The following TCTN3 variants were observed in gnomAD, a reference collection of about 807,000 sequenced individuals.
The protein encoded by TCTN3 is tectonic-3.
A neutral mutation model predicts 71.3 loss-of-function variants in TCTN3; 57 were observed. The ratio of observed to expected loss-of-function variants is 0.80; its 90% CI spans 0.65 to 1.00. The LOEUF (loss-of-function observed/expected upper bound fraction) is 1.00. TCTN3 is among the 50% of genes least tolerant of loss of function. TCTN3 has a pLI of 0.00. For missense variants in TCTN3, 696 were observed against 719.9 expected, an observed-to-expected ratio of 0.97 and a Z score of 0.38; for synonymous variants, 258 against 267.8, an observed-to-expected ratio of 0.96 and a Z score of 0.36.
At chr10:95,667,050 A>G (rs896887093) in intron 13 of TCTN3, among the ~76,000 whole-genome samples, 8 of 152,204 alleles carry the variant, frequency 5.3e-5, no homozygotes, top group African/African-American at 1.9e-4. Flanking sequence ...AGGTCATCCC[A>G]TACCCAGAAT....
intron 3 of TCTN3, among the ~76,000 whole-genome samples, chr10:95,692,681 C>T (rs539636111): frequency 3.3e-4 from 50 of 152,248 alleles, no homozygotes; most frequent in African/African-American, 1.2e-3. Flanking sequence ...TGCAACCCAC[C>T]GGCCGCATGC....
At chr10:95,671,069 G>A (rs1459261819) in intron 13 of TCTN3, among the ~76,000 whole-genome samples, 2 of 152,170 alleles carry the variant, frequency 1.3e-5, no homozygotes, top group Non-Finnish European at 2.9e-5. Flanking sequence ...TTCCATTTGT[G>A]TTTTAAAAGT....
chr10:95,674,478 G>A (rs767440008), intron 13 of TCTN3, among the ~76,000 whole-genome samples: 3 of 151,384 alleles, frequency 2.0e-5, no homozygotes, highest in Admixed American at 6.6e-5. Flanking sequence ...CTATACACAC[G>A]GATATCCATA....
chr10:95,677,992 T>C (rs2097939104), intron 13 of TCTN3, among the ~76,000 whole-genome samples: 2 of 152,202 alleles, frequency 1.3e-5, no homozygotes, highest in Non-Finnish European at 2.9e-5. Context: ...AAATGCAGTA[T>C]ATAGACTGGC....
At chr10:95,689,957 T>C (rs1432484704) in intron 3 of TCTN3, among the ~76,000 whole-genome samples, 1 of 152,170 alleles carries the variant, frequency 6.6e-6, no homozygotes, top group Non-Finnish European at 1.5e-5. Flanking sequence ...AAAAACGTAA[T>C]TTACTGATGA....
chr10:95,683,881 C>G (rs533101551), intron 9 of TCTN3, among the ~76,000 whole-genome samples: 2 of 152,246 alleles, frequency 1.3e-5, no homozygotes, highest in East Asian at 3.9e-4. Flanking sequence ...AACCAAGAAT[C>G]TACTAAGGAT....
chr10:95,693,179 T>A, intron 2 of TCTN3, 141 bp from the exon 3 acceptor site: 2 of 1,236,154 alleles, frequency 1.6e-6, no homozygotes, highest in Non-Finnish European at 2.2e-6. Context: ...CTTATTCTAC[T>A]GGCCAGCCCT....
chr10:95,686,719 G>A (rs2097948656), intron 6 of TCTN3, among the ~76,000 whole-genome samples, 189 bp from the exon 7 acceptor site: 1 of 152,196 alleles, frequency 6.6e-6, no homozygotes, highest in Non-Finnish European at 1.5e-5. Context: ...AGCCAGGCAG[G>A]AGGGTGACAG....
chr10:95,678,045 T>C (rs1219086532), intron 13 of TCTN3, among the ~76,000 whole-genome samples: 1 of 152,222 alleles, frequency 6.6e-6, no homozygotes, highest in Non-Finnish European at 1.5e-5. Flanking sequence ...ACTTAGATAT[T>C]CTAAGCTGAC....
At chr10:95,681,946 G>A (rs2097943375) in intron 12 of TCTN3, among the ~76,000 whole-genome samples, 1 of 152,178 alleles carries the variant, frequency 6.6e-6, no homozygotes, top group Non-Finnish European at 1.5e-5. Flanking sequence ...TGTAATCCCA[G>A]CACTTTGGGA....
intron 13 of TCTN3, among the ~76,000 whole-genome samples, chr10:95,677,090 T>A (rs2139721270): frequency 6.6e-6 from 1 of 152,332 alleles, no homozygotes; most frequent in South Asian, 2.1e-4. Context: ...TTAGAAAGGT[T>A]TAGAGCCATG....
At chr10:95,683,862 A>G (rs751678483) in intron 9 of TCTN3, among the ~76,000 whole-genome samples, 47 of 152,326 alleles carry the variant, frequency 3.1e-4, no homozygotes, top group Admixed American at 9.8e-4. Context: ...TACTTTTACC[A>G]AGGATTACAA....
At chr10:95,693,602 A>G in intron 1 of TCTN3, 42 bp downstream of exon 1, 1 of 1,547,204 alleles carries the variant, frequency 6.5e-7, no homozygotes, top group Non-Finnish European at 8.7e-7. Flanking sequence ...AGAATTTTAG[A>G]TCTCAGAAGT....
intron 13 of TCTN3, among the ~76,000 whole-genome samples, chr10:95,668,901 A>G (rs10748635): frequency 0.84 from 128,006 of 152,220 alleles, 54,380 homozygotes; most frequent in Non-Finnish European, 0.91. Context: ...AAGTTCAACT[A>G]TTTGAAAAAC....
intron 13 of TCTN3, among the ~76,000 whole-genome samples, chr10:95,671,168 G>A (rs995145273): frequency 1.3e-5 from 2 of 152,114 alleles, no homozygotes; most frequent in African/African-American, 4.8e-5. Flanking sequence ...TCAAAATCTG[G>A]TCACCTCATT....
chr10:95,675,185 C>A (rs1008024685), intron 13 of TCTN3, among the ~76,000 whole-genome samples: 1 of 152,190 alleles, frequency 6.6e-6, no homozygotes, highest in African/African-American at 2.4e-5. Context: ...CTCCGCCTCT[C>A]GGGTTCAAGC....
intron 13 of TCTN3, among the ~76,000 whole-genome samples, chr10:95,672,160 T>TTGTGTGTGTG (rs10525130): frequency 0.078 from 10,929 of 139,646 alleles, 533 homozygotes; most frequent in African/African-American, 0.11. Context: ...ATTATTATTA[T>TTGTGTGTGTG]TGTGTGTGTG....
chr10:95,684,407 A>T, intron 9 of TCTN3, 92 bp downstream of exon 9: 1 of 1,506,186 alleles, frequency 6.6e-7, no homozygotes, highest in Admixed American at 2.1e-5. Flanking sequence ...TCATATTCTT[A>T]TTCTATTTCA....
chr10:95,690,986 T>C (rs1013510622), intron 3 of TCTN3, among the ~76,000 whole-genome samples: 3 of 152,168 alleles, frequency 2.0e-5, no homozygotes, highest in African/African-American at 7.2e-5. Flanking sequence ...GAAGTGGCCA[T>C]ATTCCTCCCT....
Sources: allele counts gnomAD v4.1 joint callset (sites outside exome capture counted in the v4.1 genomes callset), GRCh38; gene constraint gnomAD v4.1.1; transcripts MANE v1.5; gene names NCBI Gene and HGNC (gene_info 2026-07-23, HGNC 2026-07-21).